The following STAG1 variants were observed in gnomAD, a reference collection of about 807,000 sequenced individuals.
STAG1 encodes the protein STAG1 cohesin complex component.
A neutral mutation model predicts 170.9 loss-of-function variants in STAG1; 26 were observed. The observed-to-expected ratio is 0.15, with a 90% CI of 0.11 to 0.21. STAG1 has a LOEUF of 0.21. Among genes scored for constraint, STAG1 ranks in the 10% least tolerant of loss-of-function variants. The probability of loss-of-function intolerance (pLI) is 1.00; values close to 1 mark genes in which losing one functional copy is unlikely to be tolerated. For synonymous variants in STAG1, 514 were observed against 497.7 expected (o/e 1.03, Z -0.44); for missense variants, 964 against 1,509.5 (o/e 0.64, Z 5.99).
chr3:136,650,211 G>A (rs1941168353), intron 1 of STAG1, among the ~76,000 whole-genome samples: 1 of 150,742 alleles, frequency 6.6e-6, no homozygotes, highest in African/African-American at 2.4e-5. Context: ...ACTCCAGCCT[G>A]GGTGACAAAG....
chr3:136,575,344 C>A (rs936107633), intron 4 of STAG1, among the ~76,000 whole-genome samples: 12 of 152,196 alleles, frequency 7.9e-5, no homozygotes, highest in Middle Eastern at 3.2e-3. Flanking sequence ...TCCACCTCAG[C>A]CTCTCAAGTA....
intron 26 of STAG1, among the ~76,000 whole-genome samples, chr3:136,362,204 C>G (rs1472408978): frequency 4.6e-5 from 7 of 151,768 alleles, no homozygotes; most frequent in African/African-American, 1.7e-4. Context: ...GGTGATCTAC[C>G]CGCCTCGGCC....
chr3:136,423,858 T>A (rs1179812103), intron 16 of STAG1, among the ~76,000 whole-genome samples: 1 of 151,708 alleles, frequency 6.6e-6, no homozygotes, highest in Non-Finnish European at 1.5e-5. Flanking sequence ...TCAGTCTTTT[T>A]TTTTTTTATT....
intron 4 of STAG1, among the ~76,000 whole-genome samples, chr3:136,602,793 G>T (rs1193790049): frequency 6.6e-6 from 1 of 151,892 alleles, no homozygotes; most frequent in East Asian, 1.9e-4. Context: ...GGAGGTTGCA[G>T]TGAGCCACTG....
At chr3:136,461,472 TAGC>T (rs1051839247) in intron 13 of STAG1, among the ~76,000 whole-genome samples, 7 of 151,494 alleles carry the variant, frequency 4.6e-5, no homozygotes, top group South Asian at 2.1e-4. Flanking sequence ...TTCTGAAAAG[TAGC>T]AGAATACAAA....
chr3:136,411,272 A>G (rs1055087532), intron 21 of STAG1, among the ~76,000 whole-genome samples: 3 of 152,164 alleles, frequency 2.0e-5, no homozygotes, highest in Non-Finnish European at 4.4e-5. Flanking sequence ...CAGGAAATTA[A>G]TATTTTATTT....
intron 6 of STAG1, among the ~76,000 whole-genome samples, chr3:136,538,185 T>C (rs1360834023): frequency 6.6e-6 from 1 of 152,112 alleles, no homozygotes; most frequent in East Asian, 1.9e-4. Flanking sequence ...TAAAATTACT[T>C]TTACACAAAT....
In STAG1 at chr3:136,375,617, G is replaced by C. The variant is rs112292831; in HGVS notation, c.2370+2043C>G. ...ACAGGGAATACTTTTTAACCAGCAGGCCATAGTTTTGGACATCACCAAGCA... is the reference window on the plus strand; with the variant it reads ...ACAGGGAATACTTTTTAACCAGCAGCCCATAGTTTTGGACATCACCAAGCA... On this transcript the variant is annotated intron_variant, in intron 23 of 33. Coordinates refer to ENST00000383202, the MANE Select transcript of STAG1 (RefSeq NM_005862.3). Among the ~76,000 whole-genome samples, 485 of 152,164 alleles carry C rather than the reference G, an allele frequency of 3.2e-3. 1 individual carries two copies. Among genetic ancestry groups the C allele is most frequent in the Non-Finnish European group, 5.7e-3 (389 of 68,024 alleles).
chr3:136,507,802 T>C (rs541558689), intron 7 of STAG1, among the ~76,000 whole-genome samples: 58 of 152,288 alleles, frequency 3.8e-4, no homozygotes, highest in South Asian at 1.0e-3. Flanking sequence ...TGTCTGAAGA[T>C]TGAGTGTCAA....
intron 28 of STAG1, among the ~76,000 whole-genome samples, chr3:136,350,250 C>T (rs1450540817): frequency 6.6e-6 from 1 of 152,198 alleles, no homozygotes; most frequent in African/African-American, 2.4e-5. Context: ...CACTACAGCT[C>T]TATATTTTAG....
chr3:136,375,245 TAG>T (rs1420730586), intron 23 of STAG1, among the ~76,000 whole-genome samples: 6 of 152,200 alleles, frequency 3.9e-5, no homozygotes, highest in African/African-American at 1.4e-4. Context: ...TTTAATTATA[TAG>T]AGACTTTGAA....
At chr3:136,573,911 C>T (rs1415904815) in intron 4 of STAG1, among the ~76,000 whole-genome samples, 1 of 151,992 alleles carries the variant, frequency 6.6e-6, no homozygotes, top group African/African-American at 2.4e-5. Context: ...GCGGAGTTTG[C>T]AGTGAGCGGA....
chr3:136,531,997 C>A (rs914442179), intron 6 of STAG1, among the ~76,000 whole-genome samples: 1 of 149,038 alleles, frequency 6.7e-6, no homozygotes, highest in Non-Finnish European at 1.5e-5. Flanking sequence ...AAACCAAATG[C>A]AAAATTAACA....
At chr3:136,718,570 T>C (rs887751567) in intron 1 of STAG1, among the ~76,000 whole-genome samples, 4 of 152,194 alleles carry the variant, frequency 2.6e-5, no homozygotes, top group African/African-American at 7.2e-5. Context: ...TCTTCTTCTA[T>C]GGTAACAGCT....
At position 136,498,684 on chromosome 3, in the gene STAG1, A is replaced by G. The variant is rs547378316; in HGVS notation, c.902+1539T>C. ...TTATTTATGTGAATTAGACCTCCATAAAGTTGCAGTAAAAAAAAAAAAACA... is the reference window on the plus strand; with the variant it reads ...TTATTTATGTGAATTAGACCTCCATGAAGTTGCAGTAAAAAAAAAAAAACA... On this transcript the variant is annotated intron_variant, in intron 9 of 33. Transcript: ENST00000383202. Among the ~76,000 whole-genome samples the G allele has an allele frequency of 3.9e-5, 6 of 152,030 alleles. No individual in the cohort carries two copies. The South Asian group carries it at 6.2e-4, about 16-fold the overall frequency.
intron 28 of STAG1, among the ~76,000 whole-genome samples, 163 bp from the exon 29 acceptor site, chr3:136,349,526 G>A (rs1353718989): frequency 6.6e-6 from 1 of 152,180 alleles, no homozygotes; most frequent in Non-Finnish European, 1.5e-5. Context: ...GGACTGAGGA[G>A]TTAAGGTTTT....
rs142886516 is a variant in STAG1, at chr3:136,705,195, G to A, written c.-84+47000C>T. ...TCGAGACCAGCCTGGCCAACACAGT[G>A]AAACCCCATCTCTACTAAAAAATAC... On this transcript the variant is annotated intron_variant, in intron 1 of 33. Coordinates refer to ENST00000383202, the MANE Select transcript of STAG1 (RefSeq NM_005862.3). Among the ~76,000 whole-genome samples, 1,144 of 152,058 alleles carry A rather than the reference G, an allele frequency of 7.5e-3. 6 individuals carry two copies. Among genetic ancestry groups the A allele is most frequent in the Middle Eastern group, 0.014 (4 of 294 alleles).
At chr3:136,741,493 AGTTTTGCTCTT>A (rs1934669025) in intron 1 of STAG1, among the ~76,000 whole-genome samples, 1 of 151,338 alleles carries the variant, frequency 6.6e-6, no homozygotes, top group Non-Finnish European at 1.5e-5. Flanking sequence ...TTGGAGATGG[AGTTTTGCTCTT>A]GTTGCCCAGG....
Position 136,433,591 on chromosome 3 carries a change from C to T in STAG1, c.1615G>A (p.Ala539Thr), listed in dbSNP as rs1429251718. 1 of 1,599,988 alleles carries T rather than the reference C, an allele frequency of 6.3e-7. No individual in the cohort carries two copies. Among genetic ancestry groups the T allele is most frequent in the Non-Finnish European group, 8.5e-7 (1 of 1,175,222 alleles). ...GTACCCCTTCCCACTGGAGGATGTG[C>T]CTCAGCAGCTTGACGAATTGTACAA... ...MVCTIRQAAE[A>T]HPPVGRGTGK... Residue 539 changes from alanine to threonine, a missense_variant, in exon 16 of 34, where the codon GCA becomes ACA. Transcript: ENST00000383202.
Sources: gnomAD v4.1 joint callset for allele counts (sites outside exome capture counted in the v4.1 genomes callset) on GRCh38, gnomAD v4.1.1 for gene constraint, MANE v1.5 for transcripts, NCBI Gene and HGNC (gene_info 2026-07-23, HGNC 2026-07-21) for gene names.